GPM6B: variants seen among roughly 807,000 people sequenced by gnomAD.
The protein encoded by GPM6B is glycoprotein M6B.
A neutral mutation model predicts 27.2 loss-of-function variants in GPM6B; 4 were observed. That is an observed-to-expected ratio of 0.15 (90% CI 0.07 to 0.34). The LOEUF is 0.34. Among genes scored for constraint, GPM6B ranks in the 10% least tolerant of loss-of-function variants. The pLI, the probability that GPM6B is intolerant of heterozygous loss-of-function variation, is 1.00. For synonymous variants in GPM6B, 124 were observed against 103.1 expected (o/e 1.20, Z -1.23); for missense variants, 183 against 261.9 (o/e 0.70, Z 2.08).
intron 1 of GPM6B, among the ~76,000 whole-genome samples, chrX:13,809,370 A>G (rs1477455721): frequency 8.9e-6 from 1 of 112,118 alleles, no homozygotes; most frequent in Non-Finnish European, 1.9e-5. Flanking sequence ...TCTGAGGTGC[A>G]TTTGCAGTTG....
At chrX:13,821,889 C>T (rs2049312070), upstream of GPM6B, among the ~76,000 whole-genome samples, 2 of 112,202 alleles carry the variant, frequency 1.8e-5, no homozygotes, top group Non-Finnish European at 3.8e-5. Flanking sequence ...GCCATCGTGC[C>T]TGACCCGAAT....
chrX:13,887,194 T>C, intron 1 of GPM6B, among the ~76,000 whole-genome samples: 1 of 112,517 alleles, frequency 8.9e-6, no homozygotes, highest in Middle Eastern at 4.6e-3. Flanking sequence ...GCTTTGTGTT[T>C]TCCCTGCTGG....
chrX:13,779,938 A>G lies in GPM6B; in HGVS notation c.577T>C (p.Phe193Leu). The G allele has an allele frequency of 8.3e-7, 1 of 1,203,386 alleles. No homozygotes were observed. The highest frequency in any genetic ancestry group is 1.8e-5 in the South Asian group (1 of 56,033). The change falls in exon 5 of 8, where the codon TTC becomes CTC. Residue 193 changes from phenylalanine to leucine, a missense_variant. Coordinates refer to ENST00000316715, the MANE Select transcript of GPM6B (RefSeq NM_001001995.3). ...LGVAWLGVFG[F>L]SAVPVFMFYN... ...AACATAAACACGGGCACCGCTGAGAAACCAAACACACCCAGCCAGGCCACT... is the reference window on the plus strand; with the variant it reads ...AACATAAACACGGGCACCGCTGAGAGACCAAACACACCCAGCCAGGCCACT...
At chrX:13,861,037 CACACACATATATACAT>C (rs1355694266) in intron 1 of GPM6B, among the ~76,000 whole-genome samples, 1 of 41,942 alleles carries the variant, frequency 2.4e-5, no homozygotes, top group East Asian at 1.0e-3. Flanking sequence ...CACACACACA[CACACACATATATACAT>C]ATATATACAC....
intron 1 of GPM6B, among the ~76,000 whole-genome samples, chrX:13,864,205 C>T (rs1281911716): frequency 1.8e-5 from 2 of 112,874 alleles, no homozygotes; most frequent in African/African-American, 3.2e-5. Context: ...CCTTAACCTT[C>T]TGCCATCTCT....
chrX:13,776,593 G>A (rs1034707724), intron 6 of GPM6B, among the ~76,000 whole-genome samples: 13 of 112,086 alleles, frequency 1.2e-4, no homozygotes, highest in Non-Finnish European at 1.7e-4. Context: ...ATGCAGCCAC[G>A]GTGGGGAGCC....
Position 13,866,562 on chromosome X carries a change from G to T in GPM6B, c.-198+71765C>A, listed in dbSNP as rs186022043. 1.3e-3 allele frequency among the ~76,000 whole-genome samples: 145 copies of T among 111,920 alleles called. 1 individual carries two copies. The South Asian group carries it at 0.051, about 39-fold the overall frequency. Reference sequence around the variant, plus strand: ...ATGGATATACCAATTACCCTGATTTGATCATTACACAATGCATTAATGTAC... The same window carrying T: ...ATGGATATACCAATTACCCTGATTTTATCATTACACAATGCATTAATGTAC... On this transcript the variant is annotated intron_variant, in intron 1 of 6. Transcript: ENST00000398361.
At chrX:13,902,903 T>A (rs1205372520) in intron 1 of GPM6B, among the ~76,000 whole-genome samples, 1 of 111,610 alleles carries the variant, frequency 9.0e-6, no homozygotes, top group Non-Finnish European at 1.9e-5. Context: ...GGCGGGAGAC[T>A]CAACGAAAGA....
intron 1 of GPM6B, among the ~76,000 whole-genome samples, chrX:13,915,972 A>AG (rs1371435532): frequency 8.9e-6 from 1 of 111,785 alleles, no homozygotes. Flanking sequence ...CTGCATTTGG[A>AG]ACATATCTAA....
rs1033864514 is a variant in GPM6B at position 13,775,027 on chromosome X, G to T, written c.837+1211C>A. Reference sequence around the variant, plus strand: ...AGGTCACCCCATGATTTTAAAGGTGGTTTTTTTCATAGATTCTAAGGGGAT... The same window carrying T: ...AGGTCACCCCATGATTTTAAAGGTGTTTTTTTTCATAGATTCTAAGGGGAT... On this transcript the variant is annotated intron_variant, in intron 7 of 7. Transcript: ENST00000316715. Among the ~76,000 whole-genome samples, 13 of 111,750 alleles carry T rather than the reference G, an allele frequency of 1.2e-4. No individual in the cohort carries two copies. In the South Asian group the frequency reaches 2.3e-3, roughly 19 times the overall value.
chrX:13,799,190 A>ATTTTTTTTTTTTT (rs763194245), intron 2 of GPM6B, among the ~76,000 whole-genome samples: 6 of 35,957 alleles, frequency 1.7e-4, no homozygotes, highest in Non-Finnish European at 2.3e-4. Context: ...AGCCAACCTA[A>ATTTTTTTTTTTTT]TTTTTTTTTT....
intron 1 of GPM6B, among the ~76,000 whole-genome samples, chrX:13,928,994 C>T (rs1921347309): frequency 8.9e-6 from 1 of 111,843 alleles, no homozygotes; most frequent in Admixed American, 9.5e-5. Flanking sequence ...CTTTCTCTTC[C>T]AACTCCTGCA....
At chrX:13,817,140 G>A (rs781732780), upstream of GPM6B, 5 of 940,444 alleles carry the variant, frequency 5.3e-6, no homozygotes, top group African/African-American at 2.1e-5. Context: ...GCAGCCATAC[G>A]TCACCGAGGA....
At chrX:13,831,256 G>A (rs1394956067) in intron 1 of GPM6B, among the ~76,000 whole-genome samples, 1 of 106,236 alleles carries the variant, frequency 9.4e-6, no homozygotes, top group Non-Finnish European at 1.9e-5. Flanking sequence ...ATGGAAACTG[G>A]TTTATTTACA....
At chrX:13,774,218 A>G (rs2048361756) in intron 7 of GPM6B, 2 of 769,056 alleles carry the variant, frequency 2.6e-6, no homozygotes, top group South Asian at 1.3e-4. Flanking sequence ...ATAACAGAAA[A>G]TGTAAGTATT....
In GPM6B at chrX:13,883,949, G is replaced by A. The variant is rs143569553; in HGVS notation, c.-198+54378C>T. On this transcript the variant is annotated intron_variant, in intron 1 of 6. Transcript: ENST00000398361. ...TCCCAGCACTTTGGGAGGCCAAGGC[G>A]GGCAGATCACAAGGTCAGGAGTTCA... Among the ~76,000 whole-genome samples, 464 of 111,943 alleles carry A rather than the reference G, an allele frequency of 4.1e-3. 2 individuals are homozygous for A. Among genetic ancestry groups the A allele is most frequent in the Admixed American group, 6.0e-3 (64 of 10,621 alleles).
chrX:13,878,053 A>G (rs2050057001), intron 1 of GPM6B, among the ~76,000 whole-genome samples: 1 of 110,149 alleles, frequency 9.1e-6, no homozygotes, highest in Admixed American at 9.8e-5. Flanking sequence ...ATCCCCCCAA[A>G]TAGTTAATGA....
intron 1 of GPM6B, among the ~76,000 whole-genome samples, chrX:13,903,030 A>G (rs1032894473): frequency 2.7e-5 from 3 of 112,205 alleles, no homozygotes; most frequent in African/African-American, 9.7e-5. Flanking sequence ...ACAACCTAAC[A>G]TGGGTGTCAG....
chrX:13,935,812 C>G (rs1469887163), intron 1 of GPM6B, among the ~76,000 whole-genome samples: 2 of 112,303 alleles, frequency 1.8e-5, no homozygotes, highest in South Asian at 7.4e-4. Context: ...ATATGTGCAG[C>G]CAAACATGGA....
Sources: gnomAD v4.1 joint callset for allele counts (sites outside exome capture counted in the v4.1 genomes callset) on GRCh38, gnomAD v4.1.1 for gene constraint, MANE v1.5 for transcripts, NCBI Gene and HGNC (gene_info 2026-07-23, HGNC 2026-07-21) for gene names.